Variants in KRT28 observed in about 807,000 individuals in gnomAD.
KRT28 encodes the protein keratin 28.
In KRT28, 45 loss-of-function variants were observed where a neutral mutation model predicts 48.1. That is an observed-to-expected ratio of 0.94 (90% CI 0.74 to 1.20). KRT28 has a LOEUF of 1.20. Ranked by LOEUF, KRT28 falls within the 50% of genes most tolerant of loss-of-function variation. The pLI, the probability that KRT28 is intolerant of heterozygous loss-of-function variation, is 0.00. For missense variants in KRT28, 571 were observed against 574.1 expected, an observed-to-expected ratio of 0.99 and a Z score of 0.06; for synonymous variants, 228 against 227.4, an observed-to-expected ratio of 1.00 and a Z score of -0.03.
At chr17:40,795,394 C>A (rs765379059) in intron 5 of KRT28, among the ~76,000 whole-genome samples, 7 of 152,164 alleles carry the variant, frequency 4.6e-5, no homozygotes, top group African/African-American at 7.2e-5. Context: ...GACAGCGTCT[C>A]TACTTCACAG....
intron 5 of KRT28, 124 bp downstream of exon 5, chr17:40,796,792 A>C: frequency 7.6e-7 from 1 of 1,308,116 alleles, no homozygotes; most frequent in East Asian, 2.4e-5. Flanking sequence ...GCTCTCCTCC[A>C]CTCTCTCTGC....
intron 3 of KRT28, 133 bp from the exon 4 acceptor site, chr17:40,797,414 T>A: frequency 1.2e-6 from 1 of 821,772 alleles, no homozygotes; most frequent in Non-Finnish European, 1.9e-6. Flanking sequence ...ATTTTTTAAT[T>A]GACATATTCG....
At chr17:40,792,603 C>T (rs1334257259) in intron 7 of KRT28, 34 bp from the exon 8 acceptor site, 1 of 1,527,900 alleles carries the variant, frequency 6.5e-7, no homozygotes, top group Admixed American at 1.9e-5. Flanking sequence ...ATATATTCAA[C>T]CAAAAAGATT....
intron 1 of KRT28, 64 bp downstream of exon 1, chr17:40,799,380 G>A: frequency 8.1e-7 from 1 of 1,230,498 alleles, no homozygotes; most frequent in Non-Finnish European, 1.1e-6. Context: ...CTTATTGTAT[G>A]TCTTTTGTTA....
At position 40,792,513 on chromosome 17, in the gene KRT28, T is replaced by C. The variant is rs1468817813; in HGVS notation, c.1309A>G (p.Lys437Glu). The C allele has an allele frequency of 1.2e-6, 2 of 1,613,540 alleles. No individual in the cohort carries two copies. The highest frequency in any genetic ancestry group is 8.5e-7 in the Non-Finnish European group (1 of 1,179,700). Residue 437 changes from lysine to glutamate, a missense_variant, in exon 8 of 8, where the codon AAA (lysine) becomes GAA (glutamate). Lys to Glu is a moderately conservative substitution (Grantham distance 56, BLOSUM62 1). Coordinates refer to ENST00000306658, the MANE Select transcript of KRT28 (RefSeq NM_181535.3). ...GAGTGAATCCTTGATGAAAGAACTT[T>C]ACCACGTTGATCTAGCTCTTCAACC... ...TVVEELDQRG[K>E]VLSSRIHSIE...
chr17:40,799,308 A>T, intron 1 of KRT28, 136 bp downstream of exon 1: 1 of 755,946 alleles, frequency 1.3e-6, no homozygotes, highest in Non-Finnish European at 2.0e-6. Flanking sequence ...CCATTTTTGA[A>T]TAGTAGGAAG....
chr17:40,799,548 T>C lies in KRT28; in HGVS notation c.346A>G (p.Arg116Gly), dbSNP rs766569223. 7 of 1,614,214 alleles carry C rather than the reference T, an allele frequency of 4.3e-6. No homozygotes were observed. Among genetic ancestry groups the C allele is most frequent in the Non-Finnish European group, 4.2e-6 (5 of 1,180,038 alleles). The change falls in exon 1 of 8, where the codon AGA becomes GGA. Residue 116 changes from arginine (R) to glycine (G), a missense_variant. Physicochemically the swap from Arg to Gly is moderately radical, Grantham distance 125. Coordinates refer to ENST00000306658, the MANE Select transcript of KRT28 (RefSeq NM_181535.3). ...TTTTCATACCAACCCTTGATTTTTCTCTCTAATTCAGCATTTGCCTCCTCC... is the reference window on the plus strand; with the variant it reads ...TTTTCATACCAACCCTTGATTTTTCCCTCTAATTCAGCATTTGCCTCCTCC... ...ALEEANAELERKIKGWYEKYG... is the reference protein window; with the variant it reads ...ALEEANAELEGKIKGWYEKYG...
Position 40,792,524 on chromosome 17 carries a change from T to A in KRT28, c.1298A>T (p.Asp433Val). 1 of 1,613,370 alleles carries A rather than the reference T, an allele frequency of 6.2e-7. No individual in the cohort carries two copies. Among genetic ancestry groups the A allele is most frequent in the South Asian group, 1.1e-5 (1 of 91,024 alleles). Residue 433 changes from aspartate to valine, a missense_variant, in exon 8 of 8, where the codon GAT becomes GTT. Coordinates refer to ENST00000306658, the MANE Select transcript of KRT28 (RefSeq NM_181535.3). ...TGATGAAAGAACTTTACCACGTTGA[T>A]CTAGCTCTTCAACCACTGTCTTTAC... ...TLVKTVVEEL[D>V]QRGKVLSSRI...
rs1451758363 is a variant in KRT28 at position 40,798,875 on chromosome 17, T to C, written c.533+42A>G. 4 of 1,279,624 alleles carry C rather than the reference T, an allele frequency of 3.1e-6. No homozygotes were observed. In the African/African-American group the frequency reaches 4.4e-5, roughly 14 times the overall value. The allele number at this position is 1,279,624 out of a possible 1,614,324, so 79.3% of individuals were successfully genotyped here. A position where few individuals can be genotyped will look rare whatever the true frequency, so the allele number is the denominator to read the frequency against. On this transcript the variant is annotated intron_variant, in intron 2 of 7. Transcript: ENST00000306658. ...AATTTTATTTAACAAATTAAATAAATAGAAACTTTTTTCTAGAGCAGGATT... is the reference window on the plus strand; with the variant it reads ...AATTTTATTTAACAAATTAAATAAACAGAAACTTTTTTCTAGAGCAGGATT...
At chr17:40,798,209 T>C in intron 3 of KRT28, 26 bp downstream of exon 3, 1 of 1,583,596 alleles carries the variant, frequency 6.3e-7, no homozygotes, top group South Asian at 1.1e-5. Flanking sequence ...GAGTTGTGAT[T>C]GGACTACAGG....
At chr17:40,795,060 T>C (rs1318990031) in intron 5 of KRT28, among the ~76,000 whole-genome samples, 3 of 152,250 alleles carry the variant, frequency 2.0e-5, no homozygotes, top group African/African-American at 7.2e-5. Flanking sequence ...ATCTATTACC[T>C]AGTGACTTCA....
rs143876681 is a variant in KRT28, at chr17:40,799,050, A to G, written c.451-51T>C. The G allele has an allele frequency of 1.9e-5, 21 of 1,093,120 alleles. No individual in the cohort carries two copies. The African/African-American group carries it at 2.5e-4, about 13-fold the overall frequency. 67.7% of individuals were successfully genotyped at this position (1,093,120 alleles called of 1,614,324 possible). A position where few individuals can be genotyped will look rare whatever the true frequency, so the allele number is the denominator to read the frequency against. On this transcript the variant is annotated intron_variant, in intron 1 of 7. Coordinates refer to ENST00000306658, the MANE Select transcript of KRT28 (RefSeq NM_181535.3). ...CAACAAGTAAGTATGCTTTTATGTGATTCATTATTTCAGGAAATGAAAAAG... is the reference window on the plus strand; with the variant it reads ...CAACAAGTAAGTATGCTTTTATGTGGTTCATTATTTCAGGAAATGAAAAAG...
chr17:40,794,533 C>T (rs183946025), intron 5 of KRT28, among the ~76,000 whole-genome samples: 54 of 152,136 alleles, frequency 3.5e-4, no homozygotes, highest in African/African-American at 1.3e-3. Context: ...ATTTTCTAGC[C>T]TCTATCAAAG....
chr17:40,798,196 A>G, intron 3 of KRT28, 39 bp downstream of exon 3: 2 of 1,569,644 alleles, frequency 1.3e-6, no homozygotes, highest in Non-Finnish European at 1.7e-6. Flanking sequence ...TTTAAAATGT[A>G]CAGAGTTGTG....
In KRT28 at chr17:40,797,045, T is replaced by C. The variant is rs1362961973; in HGVS notation, c.853-4A>G. ...TCTGTTGCTGCAGCGAGGCGCTCTGTAGGGCCGGGAAAAAGGGTCACACGG... is the reference window on the plus strand; with the variant it reads ...TCTGTTGCTGCAGCGAGGCGCTCTGCAGGGCCGGGAAAAAGGGTCACACGG... On this transcript the variant is annotated splice_region_variant and splice_polypyrimidine_tract_variant and intron_variant, in intron 4 of 7. Coordinates refer to ENST00000306658, the MANE Select transcript of KRT28 (RefSeq NM_181535.3). The C allele has an allele frequency of 1.2e-6, 2 of 1,610,556 alleles. No homozygotes were observed. The highest frequency in any genetic ancestry group is 1.7e-6 in the Non-Finnish European group (2 of 1,178,204).
At chr17:40,799,311 G>A in intron 1 of KRT28, 133 bp downstream of exon 1, 2 of 766,022 alleles carry the variant, frequency 2.6e-6, no homozygotes, top group Middle Eastern at 3.9e-4. Flanking sequence ...TTTTTGAATA[G>A]TAGGAAGAAT....
At chr17:40,798,731 T>C (rs1904679203) in intron 2 of KRT28, among the ~76,000 whole-genome samples, 186 bp downstream of exon 2, 2 of 152,230 alleles carry the variant, frequency 1.3e-5, no homozygotes. Flanking sequence ...AGAAATATAT[T>C]GATATTTTGT....
At position 40,799,471 on chromosome 17, in the gene KRT28, G is replaced by A. The variant is rs748693143; in HGVS notation, c.423C>T (p.His141=). The change falls in exon 1 of 8, where the codon CAC becomes CAT. Residue 141 remains histidine (H), a synonymous_variant. Transcript: ENST00000306658. The part of the protein sequence containing the change: ...RGLDHDYSRY[H]LTIEDLKNKI... ...TATTCTTAAGATCCTCAATTGTTAGGTGATATCTGCTATAGTCATGATCAA... is the reference window on the plus strand; with the variant it reads ...TATTCTTAAGATCCTCAATTGTTAGATGATATCTGCTATAGTCATGATCAA... 1.2e-6 allele frequency: 2 copies of A among 1,609,270 alleles called. No homozygotes were observed. Among genetic ancestry groups the A allele is most frequent in the African/African-American group, 1.3e-5 (1 of 74,724 alleles).
Position 40,798,256 on chromosome 17 carries a change from A to T in KRT28, c.669T>A (p.Tyr223Ter), listed in dbSNP as rs745812418. The T allele has an allele frequency of 1.9e-6, 3 of 1,607,358 alleles. No homozygotes were observed. The South Asian group carries it at 3.3e-5, about 18-fold the overall frequency. Residue 223 changes from tyrosine (Y) to a stop codon, truncating the protein, a stop_gained, in exon 3 of 8, where the codon TAT becomes TAA. Transcript: ENST00000306658. LOFTEE classifies it high-confidence loss of function. ...CTACCTCTTCGTGGTTCTTTTTGAG[A>T]TATGTCATCTCCTCACTCAGAGACT... Reference protein sequence around the residue: ...QYESLSEEMTYLKKNHEEEMK... With the variant: ...QYESLSEEMT
Sources: allele counts gnomAD v4.1 joint callset (sites outside exome capture counted in the v4.1 genomes callset), GRCh38; gene constraint gnomAD v4.1.1; transcripts MANE v1.5; gene names NCBI Gene and HGNC (gene_info 2026-07-23, HGNC 2026-07-21).